NRXN1: variants seen among roughly 807,000 people sequenced by gnomAD.
NRXN1 encodes neurexin-1.
NRXN1 carries 39 observed loss-of-function variants against 150.9 expected under a neutral mutation model. That is an observed-to-expected ratio of 0.26 (90% CI 0.20 to 0.34). NRXN1 has a LOEUF of 0.34. NRXN1 is among the 10% of genes least tolerant of loss of function. The pLI is 1.00. For synonymous variants in NRXN1, 924 were observed against 757.0 expected, an observed-to-expected ratio of 1.22 and a Z score of -3.62; for missense variants, 1,815 against 1,949.9, an observed-to-expected ratio of 0.93 and a Z score of 1.30.
At chr2:49,990,378 T>A (rs780349066) in intron 21 of NRXN1, among the ~76,000 whole-genome samples, 3 of 152,098 alleles carry the variant, frequency 2.0e-5, no homozygotes, top group African/African-American at 7.2e-5. Context: ...GGTGGCCAGA[T>A]GGAAGTTGTG....
intron 16 of NRXN1, among the ~76,000 whole-genome samples, chr2:50,467,952 T>A (rs993953262): frequency 6.6e-6 from 1 of 151,622 alleles, no homozygotes; most frequent in Admixed American, 6.6e-5. Flanking sequence ...AGTGGTCTAC[T>A]GATCCTTATC....
chr2:50,676,011 A>C (rs1171873285), intron 5 of NRXN1, among the ~76,000 whole-genome samples: 1 of 152,138 alleles, frequency 6.6e-6, no homozygotes, highest in Non-Finnish European at 1.5e-5. Flanking sequence ...AGTTGAACTC[A>C]TGTTCAAACG....
chr2:50,836,694 C>T (rs1328112183), intron 5 of NRXN1, among the ~76,000 whole-genome samples: 1 of 151,976 alleles, frequency 6.6e-6, no homozygotes, highest in African/African-American at 2.4e-5. Flanking sequence ...TGCATATATA[C>T]CACATTTTTT....
intron 12 of NRXN1, among the ~76,000 whole-genome samples, chr2:50,524,506 A>C (rs2092888447): frequency 6.6e-6 from 1 of 150,422 alleles, no homozygotes; most frequent in African/African-American, 2.4e-5. Flanking sequence ...TAAATAAATA[A>C]ATAAATAAAT....
chr2:50,062,791 T>C (rs1234625336), intron 19 of NRXN1, among the ~76,000 whole-genome samples: 1 of 152,178 alleles, frequency 6.6e-6, no homozygotes, highest in Non-Finnish European at 1.5e-5. Context: ...TCTTGTGTAA[T>C]TTCTCCTCAG....
In NRXN1 at chr2:49,920,669, C is replaced by T. The variant is rs1262049978; in HGVS notation, c.*1275G>A. ...CTACTGTATGCACGTTTGGATCTTC[C>T]AGCATATCTGATGGATTGCTGTGGA... is the stretch of plus-strand genomic sequence containing the variant. On this transcript the variant is annotated 3_prime_UTR_variant, in exon 23 of 23. Coordinates refer to ENST00000401669, the MANE Select transcript of NRXN1 (RefSeq NM_001330078.2). 1 of 150,798 alleles carries T rather than the reference C, an allele frequency of 6.6e-6. No individual in the cohort carries two copies. Among genetic ancestry groups the T allele is most frequent in the Admixed American group, 6.7e-5 (1 of 15,032 alleles). 9.3% of individuals were successfully genotyped at this position (150,798 alleles called of 1,614,324 possible).
intron 17 of NRXN1, among the ~76,000 whole-genome samples, chr2:50,284,048 T>G (rs2071798652): frequency 6.6e-6 from 1 of 152,200 alleles, no homozygotes; most frequent in East Asian, 1.9e-4. Flanking sequence ...AGCAAAGTGA[T>G]GCATCACAAA....
intron 9 of NRXN1, among the ~76,000 whole-genome samples, chr2:50,546,887 T>C (rs1007578794): frequency 6.6e-5 from 10 of 152,152 alleles, no homozygotes; most frequent in African/African-American, 2.4e-4. Context: ...GGCAGAGGCA[T>C]GGGAGGAACA....
chr2:49,969,322 G>A (rs1461673461), intron 21 of NRXN1, among the ~76,000 whole-genome samples: 1 of 152,004 alleles, frequency 6.6e-6, no homozygotes, highest in East Asian at 1.9e-4. Context: ...AGCCAATGGA[G>A]GGTAACTGGT....
At chr2:50,477,234 A>G (rs969949030) in intron 15 of NRXN1, among the ~76,000 whole-genome samples, 9 of 152,276 alleles carry the variant, frequency 5.9e-5, no homozygotes, top group Middle Eastern at 3.4e-3. Context: ...CCACCATAGA[A>G]CTTATGACTG....
At chr2:50,107,318 T>G (rs1701787798) in intron 18 of NRXN1, among the ~76,000 whole-genome samples, 1 of 151,222 alleles carries the variant, frequency 6.6e-6, no homozygotes, top group Admixed American at 6.6e-5. Context: ...ACTAGAACTT[T>G]CAATGACACC....
At chr2:50,716,279 G>C (rs1161778455) in intron 5 of NRXN1, among the ~76,000 whole-genome samples, 1 of 152,030 alleles carries the variant, frequency 6.6e-6, no homozygotes, top group African/African-American at 2.4e-5. Context: ...ACCCATTTTA[G>C]GATTTAGAAG....
intron 5 of NRXN1, among the ~76,000 whole-genome samples, chr2:50,883,493 T>C (rs1358708850): frequency 4.0e-5 from 6 of 151,078 alleles, no homozygotes; most frequent in African/African-American, 7.3e-5. Context: ...CACTGGAAAA[T>C]ATCTGTGAAT....
At chr2:49,935,610 GC>G (rs997987255) in intron 22 of NRXN1, among the ~76,000 whole-genome samples, 4 of 152,152 alleles carry the variant, frequency 2.6e-5, no homozygotes, top group Non-Finnish European at 1.5e-5. Flanking sequence ...AGCATTTGCT[GC>G]CCCTTGGAGC....
At chr2:50,773,835 C>A (rs1703292195) in intron 5 of NRXN1, among the ~76,000 whole-genome samples, 2 of 152,128 alleles carry the variant, frequency 1.3e-5, no homozygotes, top group African/African-American at 4.8e-5. Context: ...CTGGGTCACA[C>A]AGCTGGAATC....
At chr2:50,811,845 T>A (rs1427211323) in intron 5 of NRXN1, among the ~76,000 whole-genome samples, 2 of 152,142 alleles carry the variant, frequency 1.3e-5, no homozygotes, top group Non-Finnish European at 2.9e-5. Context: ...AGTAAATAGG[T>A]CACAATTCCA....
At chr2:50,879,587 T>C (rs753935877) in intron 5 of NRXN1, among the ~76,000 whole-genome samples, 1 of 151,870 alleles carries the variant, frequency 6.6e-6, no homozygotes, top group Non-Finnish European at 1.5e-5. Flanking sequence ...CACATTAAGA[T>C]CTAAAGGAAA....
intron 17 of NRXN1, among the ~76,000 whole-genome samples, chr2:50,303,838 C>A (rs1456543184): frequency 6.6e-6 from 1 of 152,046 alleles, no homozygotes; most frequent in Non-Finnish European, 1.5e-5. Context: ...CATAGTTCAG[C>A]ATAATTAATA....
intron 18 of NRXN1, among the ~76,000 whole-genome samples, chr2:50,222,834 A>C (rs2064004634): frequency 1.3e-5 from 2 of 151,954 alleles, no homozygotes; most frequent in Admixed American, 6.6e-5. Context: ...CCTTGTACCT[A>C]TACTATACAC....
Sources: gnomAD v4.1 joint callset for allele counts (sites outside exome capture counted in the v4.1 genomes callset) on GRCh38, gnomAD v4.1.1 for gene constraint, MANE v1.5 for transcripts, NCBI Gene and HGNC (gene_info 2026-07-23, HGNC 2026-07-21) for gene names.